TCP11: variants seen among roughly 807,000 people sequenced by gnomAD.
TCP11 encodes the protein t-complex 11.
Under a neutral mutation model 45.0 loss-of-function variants are expected in TCP11, and 34 were observed. The ratio of observed to expected loss-of-function variants is 0.76; its 90% CI spans 0.57 to 1.01. TCP11 has a LOEUF of 1.01. Ranked by LOEUF, TCP11 falls within the 50% of genes least tolerant of loss-of-function variation. The pLI is 0.00. For missense variants in TCP11, 523 were observed against 598.1 expected (o/e 0.87, Z 1.31); for synonymous variants, 227 against 227.0 (o/e 1.00, Z 0.00).
intron 4 of TCP11, among the ~76,000 whole-genome samples, chr6:35,127,215 G>A (rs1346672533): frequency 6.6e-6 from 1 of 152,194 alleles, no homozygotes; most frequent in Non-Finnish European, 1.5e-5. Flanking sequence ...AGGAGTTACT[G>A]TACTGGATGC....
intron 1 of TCP11, 21 bp from the exon 2 acceptor site, chr6:35,140,905 T>G (rs1411656456): frequency 6.6e-7 from 1 of 1,514,054 alleles, no homozygotes; most frequent in Non-Finnish European, 8.8e-7. Flanking sequence ...GAGAAAGGCG[T>G]GTTGTTGGCG....
chr6:35,140,467 A>T, intron 2 of TCP11: 1 of 581,142 alleles, frequency 1.7e-6, no homozygotes, highest in Non-Finnish European at 3.2e-6. Flanking sequence ...TCCCCCCTAC[A>T]TATTCAAAAT....
At chr6:35,121,172 A>G (rs13206654) in intron 5 of TCP11, 127 bp from the exon 6 acceptor site, 173,583 of 1,161,710 alleles carry the variant, frequency 0.15, 14,944 homozygotes, top group African/African-American at 0.29. Context: ...CTACATTTTC[A>G]GAAGATAACA....
chr6:35,130,864 T>C (rs1240854207), intron 3 of TCP11, among the ~76,000 whole-genome samples: 1 of 152,232 alleles, frequency 6.6e-6, no homozygotes, highest in Non-Finnish European at 1.5e-5. Flanking sequence ...CTCCTGGGTA[T>C]ATACCAAAAT....
At chr6:35,127,227 G>A (rs940599223) in intron 4 of TCP11, among the ~76,000 whole-genome samples, 3 of 152,210 alleles carry the variant, frequency 2.0e-5, no homozygotes, top group East Asian at 1.9e-4. Context: ...ACTGGATGCC[G>A]TACTTGCTCC....
intron 8 of TCP11, 85 bp from the exon 9 acceptor site, chr6:35,119,476 A>G: frequency 2.0e-6 from 3 of 1,504,214 alleles, no homozygotes; most frequent in Non-Finnish European, 2.7e-6. Flanking sequence ...ACCAGATGCC[A>G]GGCCCACTTG....
chr6:35,135,969 G>T, intron 3 of TCP11, 138 bp downstream of exon 3: 1 of 550,870 alleles, frequency 1.8e-6, no homozygotes, highest in Non-Finnish European at 3.1e-6. Flanking sequence ...GTACTCTTCT[G>T]TTTAAGTTGT....
chr6:35,137,929 G>C, intron 2 of TCP11: 1 of 392,302 alleles, frequency 2.5e-6, no homozygotes, highest in Non-Finnish European at 5.0e-6. Flanking sequence ...ATAGTAAAAA[G>C]ATTTGAAAAT....
In TCP11 at chr6:35,129,062, C is replaced by G. The variant is rs1780128599; in HGVS notation, c.357G>C (p.Glu119Asp). The G allele has an allele frequency of 1.2e-6, 2 of 1,613,592 alleles. No individual in the cohort carries two copies. The highest frequency in any genetic ancestry group is 1.7e-6 in the Non-Finnish European group (2 of 1,179,854). Residue 119 changes from glutamate (E) to aspartate (D), a missense_variant and splice_region_variant, in exon 4 of 10, where the codon GAG (glutamate) becomes GAC (aspartate). Physicochemically the swap from Glu to Asp is conservative, Grantham distance 45. This residue lies in a region of TCP11 where 225 missense variants were observed against 210.2 expected (regional missense o/e 1.07). Transcript: ENST00000311875. ...CATTTACAAATGGAAGGTCACTCAC[C>G]TCTTTAATTTCTTTCAGAAGTTCAA... ...CALELLKEIKEILLSLLLPRQ... is the reference protein window; with the variant it reads ...CALELLKEIKDILLSLLLPRQ...
intron 4 of TCP11, chr6:35,128,526 T>C (rs77353437): frequency 0.046 from 6,952 of 152,518 alleles, 335 homozygotes; most frequent in African/African-American, 0.13. Flanking sequence ...GGGGAGAAGA[T>C]TATACAAGGG....
At chr6:35,129,266 T>C (rs1005172278) in intron 3 of TCP11, 84 bp from the exon 4 acceptor site, 1 of 1,499,320 alleles carries the variant, frequency 6.7e-7, no homozygotes, top group East Asian at 2.4e-5. Context: ...CAAACTGAAT[T>C]TGATATGGTA....
chr6:35,140,180 T>C (rs577880201), intron 2 of TCP11: 1 of 1,574,594 alleles, frequency 6.4e-7, no homozygotes, highest in East Asian at 2.3e-5. Flanking sequence ...TTATCTTGAG[T>C]TGTTGCACAC....
At chr6:35,122,069 G>C (rs764214650) in intron 5 of TCP11, 48 bp downstream of exon 5, 4 of 1,594,500 alleles carry the variant, frequency 2.5e-6, no homozygotes, top group Non-Finnish European at 3.4e-6. Context: ...AGCTTTTCCG[G>C]GCTCAGGGGC....
intron 3 of TCP11, among the ~76,000 whole-genome samples, chr6:35,130,927 C>T (rs1197737701): frequency 6.6e-6 from 1 of 152,190 alleles, no homozygotes; most frequent in Non-Finnish European, 1.5e-5. Context: ...TTTATAGCAG[C>T]TTTATTCATA....
At chr6:35,132,148 C>T (rs1406406656) in intron 3 of TCP11, among the ~76,000 whole-genome samples, 1 of 152,200 alleles carries the variant, frequency 6.6e-6, no homozygotes, top group African/African-American at 2.4e-5. Context: ...TTTTCTTCTA[C>T]CTTGTAACAC....
intron 4 of TCP11, chr6:35,128,351 C>A (rs1196218013): frequency 6.6e-6 from 1 of 152,202 alleles, no homozygotes; most frequent in African/African-American, 2.4e-5. Flanking sequence ...GTGGCCCTCT[C>A]GATAGGCAGT....
chr6:35,140,068 A>G (rs1781547348), intron 2 of TCP11: 1 of 1,614,058 alleles, frequency 6.2e-7, no homozygotes, highest in Non-Finnish European at 8.5e-7. Context: ...TTTTGGTGCC[A>G]TTCAGTTAAC....
chr6:35,139,143 G>A (rs958072546), intron 2 of TCP11, among the ~76,000 whole-genome samples: 3 of 151,498 alleles, frequency 2.0e-5, no homozygotes, highest in African/African-American at 4.9e-5. Flanking sequence ...AGCCGAGATC[G>A]CACCATTGCA....
Position 35,122,430 on chromosome 6 carries a change from A to G in TCP11, c.358-93T>C, listed in dbSNP as rs374947157. On this transcript the variant is annotated intron_variant, in intron 4 of 9. Coordinates refer to ENST00000311875, the MANE Select transcript of TCP11 (RefSeq NM_001370687.1). ...CCTTTAGCTAAAGACATACCAGCCT[A>G]TGTTTTTTAAGGATCAAGAAGTTGG... 5.2e-4 allele frequency: 607 copies of G among 1,162,440 alleles called. 5 individuals carry two copies. The South Asian group carries it at 5.4e-3, about 10-fold the overall frequency. 72.0% of individuals were successfully genotyped at this position (1,162,440 alleles called of 1,614,324 possible).
Sources: allele counts gnomAD v4.1 joint callset (sites outside exome capture counted in the v4.1 genomes callset), GRCh38; gene constraint gnomAD v4.1.1; regional missense constraint gnomAD v4.1.1; transcripts MANE v1.5; gene names NCBI Gene and HGNC (gene_info 2026-07-23, HGNC 2026-07-21).